COBLL1: variants seen among roughly 807,000 people sequenced by gnomAD.
COBLL1 encodes the protein cordon-bleu protein-like 1.
In COBLL1, 50 loss-of-function variants were observed where a neutral mutation model predicts 94.8. That is an observed-to-expected ratio of 0.53 (90% confidence interval 0.42 to 0.67). COBLL1 has a LOEUF of 0.67. Ranked by LOEUF, COBLL1 falls within the 30% of genes least tolerant of loss-of-function variation. The pLI is 0.00. For missense variants in COBLL1, 1,362 were observed against 1,348.7 expected, an observed-to-expected ratio of 1.01 and a Z score of -0.15; for synonymous variants, 448 against 473.8, an observed-to-expected ratio of 0.95 and a Z score of 0.71.
chr2:164,841,358 C>A lies in COBLL1; in HGVS notation c.-50-112G>T. On this transcript the variant is annotated intron_variant, in intron 1 of 13. Transcript: ENST00000652658. The surrounding 1 kb of genome is among the most constrained non-coding windows in gnomAD (Gnocchi z 5.5). The stretch of plus-strand genomic sequence containing the variant: ...CGAGCCGCTCCAGCCCCGGCCGGCC[C>A]GCCTCCCGGGTGCGCTTCCACCTGC... 17 of 1,191,044 alleles carry A rather than the reference C, an allele frequency of 1.4e-5. No homozygotes were observed. Among genetic ancestry groups the A allele is most frequent in the Non-Finnish European group, 1.8e-5 (17 of 962,116 alleles). The allele number at this position is 1,191,044 out of a possible 1,614,324, so 73.8% of individuals were successfully genotyped here. A position where few individuals can be genotyped will look rare whatever the true frequency, so the allele number is the denominator to read the frequency against.
rs1021950669 is a variant in COBLL1, at chr2:164,773,726, C to T, written c.42-29851G>A. 5 of 1,292,396 alleles carry T rather than the reference C, an allele frequency of 3.9e-6. No individual in the cohort carries two copies. In the Admixed American group the frequency reaches 1.2e-4, roughly 31 times the overall value. 80.1% of individuals were successfully genotyped at this position (1,292,396 alleles called of 1,614,324 possible). ...ACTTACAACTGTTCCAGAAAGTCTC[C>T]ATAAAACAGTATTGTTCCTCTAGCG... On this transcript the variant is annotated intron_variant, in intron 2 of 13. Coordinates refer to ENST00000652658, the MANE Select transcript of COBLL1 (RefSeq NM_001365672.2).
intron 7 of COBLL1, among the ~76,000 whole-genome samples, chr2:164,706,824 A>T (rs941637146): frequency 3.4e-4 from 51 of 152,226 alleles, no homozygotes; most frequent in African/African-American, 1.1e-3. Context: ...CATAGCAGCA[A>T]AAAGAATCTG....
intron 2 of COBLL1, among the ~76,000 whole-genome samples, chr2:164,665,687 A>T (rs1050282723): frequency 9.2e-5 from 14 of 152,194 alleles, no homozygotes; most frequent in Non-Finnish European, 7.3e-5. Context: ...AATTAATTCA[A>T]ATGTTGTTTG....
chr2:164,780,719 T>C (rs1222241955), intron 2 of COBLL1, among the ~76,000 whole-genome samples: 2 of 152,176 alleles, frequency 1.3e-5, no homozygotes, highest in East Asian at 1.9e-4. Flanking sequence ...CTTTATGCCT[T>C]ATTTAGAAAC....
Position 164,700,776 on chromosome 2 carries a change from T to C in COBLL1, c.1226-20A>G. The C allele has an allele frequency of 7.1e-7, 1 of 1,400,922 alleles. No homozygotes were observed. The allele number at this position is 1,400,922 out of a possible 1,614,324, so 86.8% of individuals were successfully genotyped here. Reference sequence around the variant, plus strand: ...TTCCAGCTACAAAGAAATGCAGATATAATCCTAAATATTAATTTGCCTCAT... The same window carrying C: ...TTCCAGCTACAAAGAAATGCAGATACAATCCTAAATATTAATTTGCCTCAT... On this transcript the variant is annotated intron_variant, in intron 9 of 13. Transcript: ENST00000652658.
chr2:164,831,331 T>A (rs569880888), intron 2 of COBLL1, among the ~76,000 whole-genome samples: 10 of 151,530 alleles, frequency 6.6e-5, no homozygotes, highest in East Asian at 1.9e-4. Flanking sequence ...CAAAAAATAA[T>A]AATAAAAATA....
chr2:164,838,292 G>A (rs1485902562), intron 2 of COBLL1, among the ~76,000 whole-genome samples: 1 of 152,110 alleles, frequency 6.6e-6, no homozygotes, highest in Non-Finnish European at 1.5e-5. Context: ...CCCTTTTGAT[G>A]TTACAATTAT....
rs1228301621 is a variant in COBLL1, at chr2:164,722,250, T to C, written c.821A>G (p.Asn274Ser). The change falls in exon 7 of 14, where the codon AAT (asparagine) becomes AGT (serine). Residue 274 changes from asparagine to serine, a missense_variant. Coordinates refer to ENST00000652658, the MANE Select transcript of COBLL1 (RefSeq NM_001365672.2). Reference sequence around the variant, plus strand: ...GGAAATATATGGTTTGGAAATGGTATTGGACCTTGTAAAAGTTGGGCGGTG... The same window carrying C: ...GGAAATATATGGTTTGGAAATGGTACTGGACCTTGTAAAAGTTGGGCGGTG... Reference protein sequence around the residue: ...NKHRPTFTRSNTISKPYISNT... With the variant: ...NKHRPTFTRSSTISKPYISNT... 13 of 1,613,892 alleles carry C rather than the reference T, an allele frequency of 8.1e-6. No homozygotes were observed. The highest frequency in any genetic ancestry group is 2.7e-5 in the African/African-American group (2 of 74,888).
intron 3 of COBLL1, among the ~76,000 whole-genome samples, chr2:164,741,854 A>G (rs1686616133): frequency 6.6e-6 from 1 of 152,168 alleles, no homozygotes; most frequent in South Asian, 2.1e-4. Flanking sequence ...CATGAAGAAA[A>G]TTGCAGCATC....
chr2:164,789,902 G>A (rs915753816), intron 2 of COBLL1, among the ~76,000 whole-genome samples: 5 of 152,118 alleles, frequency 3.3e-5, no homozygotes, highest in East Asian at 1.9e-4. Flanking sequence ...GACTGATTAC[G>A]AACACGTGAA....
At position 164,722,531 on chromosome 2, in the gene COBLL1, G is replaced by A; in HGVS notation, c.662-9C>T. On this transcript the variant is annotated splice_polypyrimidine_tract_variant and intron_variant, in intron 5 of 13. Coordinates refer to ENST00000652658, the MANE Select transcript of COBLL1 (RefSeq NM_001365672.2). Reference sequence around the variant, plus strand: ...TGATATTTGGCAGGACTCTAAAATAGAAGAAAAGCATCTTACTTTTGTATG... The same window carrying A: ...TGATATTTGGCAGGACTCTAAAATAAAAGAAAAGCATCTTACTTTTGTATG... 2 of 1,384,376 alleles carry A rather than the reference G, an allele frequency of 1.4e-6. No homozygotes were observed. Among genetic ancestry groups the A allele is most frequent in the Non-Finnish European group, 1.9e-6 (2 of 1,027,612 alleles). 85.8% of individuals were successfully genotyped at this position (1,384,376 alleles called of 1,614,324 possible). A position where few individuals can be genotyped will look rare whatever the true frequency, so the allele number is the denominator to read the frequency against.
At chr2:164,690,584 T>C (rs1683541089) in intron 13 of COBLL1, among the ~76,000 whole-genome samples, 2 of 152,138 alleles carry the variant, frequency 1.3e-5, no homozygotes. Context: ...CTTAATGCAG[T>C]TTTCTGCAAT....
chr2:164,778,727 G>A (rs1161274914), intron 2 of COBLL1, among the ~76,000 whole-genome samples: 1 of 152,084 alleles, frequency 6.6e-6, no homozygotes, highest in Non-Finnish European at 1.5e-5. Flanking sequence ...AAATGGAAGG[G>A]ATTGATTAAA....
At chr2:164,717,814 C>T (rs1685251439) in intron 7 of COBLL1, among the ~76,000 whole-genome samples, 1 of 152,168 alleles carries the variant, frequency 6.6e-6, no homozygotes, top group African/African-American at 2.4e-5. Flanking sequence ...ATCCTCCTAC[C>T]TCGGCCTCCC....
chr2:164,771,746 C>T (rs181072367), intron 2 of COBLL1, among the ~76,000 whole-genome samples: 252 of 152,130 alleles, frequency 1.7e-3, no homozygotes, highest in Non-Finnish European at 2.2e-3. Flanking sequence ...TTACTATCTA[C>T]TTTCCTTTGA....
intron 1 of COBLL1, among the ~76,000 whole-genome samples, chr2:164,668,241 C>G (rs36105243): frequency 0.42 from 63,932 of 151,702 alleles, 15,705 homozygotes; most frequent in African/African-American, 0.69. Flanking sequence ...TGAGATTACA[C>G]GTGTGAGCCA....
chr2:164,822,012 G>T (rs1434696244), intron 2 of COBLL1, among the ~76,000 whole-genome samples: 1 of 152,106 alleles, frequency 6.6e-6, no homozygotes. Context: ...GGTCCATAAG[G>T]TTTATTACTT....
At chr2:164,726,847 G>A (rs1685744220) in intron 5 of COBLL1, among the ~76,000 whole-genome samples, 1 of 152,008 alleles carries the variant, frequency 6.6e-6, no homozygotes, top group Admixed American at 6.6e-5. Flanking sequence ...CCTTGTATGA[G>A]AGTAAAGAAT....
rs545870444 is a variant in COBLL1 at position 164,662,654 on chromosome 2, C to T, written n.181+3193G>A. Among the ~76,000 whole-genome samples the T allele has an allele frequency of 3.3e-5, 5 of 152,174 alleles. No homozygotes were observed. The South Asian group carries it at 6.2e-4, about 19-fold the overall frequency. The stretch of plus-strand genomic sequence containing the variant: ...ATCATGGGAGTGGCTTTCTCATTAA[C>T]GGTTTACCATTATCCCTTTGGTGCT... On this transcript the variant is annotated intron_variant and non_coding_transcript_variant, in intron 2 of 2. Transcript: ENST00000495084.
Sources: gnomAD v4.1 joint callset for allele counts (sites outside exome capture counted in the v4.1 genomes callset) on GRCh38, gnomAD v4.1.1 for gene constraint, Gnocchi (gnomAD v3.1) non-coding constraint, MANE v1.5 for transcripts, NCBI Gene and HGNC (gene_info 2026-07-23, HGNC 2026-07-21) for gene names.